The following ZFHX3 variants were observed in gnomAD, a reference collection of about 807,000 sequenced individuals.
ZFHX3 encodes the protein zinc finger homeobox 3.
In ZFHX3, 42 loss-of-function variants were observed where a neutral mutation model predicts 279.1. The observed-to-expected ratio is 0.15, with a 90% confidence interval of 0.12 to 0.19. The LOEUF is 0.19. Among genes scored for constraint, ZFHX3 ranks in the 10% least tolerant of loss-of-function variants. The pLI is 1.00. For missense variants in ZFHX3, 4,981 were observed against 4,754.0 expected, an observed-to-expected ratio of 1.05 and a Z score of -1.40; for synonymous variants, 2,293 against 1,957.8, an observed-to-expected ratio of 1.17 and a Z score of -4.52.
intron 1 of ZFHX3, among the ~76,000 whole-genome samples, chr16:73,866,813 G>A (rs181011808): frequency 4.7e-4 from 71 of 152,300 alleles, no homozygotes; most frequent in African/African-American, 1.6e-3. Context: ...ATAATGGCCT[G>A]GTGAGCTGTT....
intron 2 of ZFHX3, among the ~76,000 whole-genome samples, chr16:73,484,596 A>G (rs2018940015): frequency 6.6e-6 from 1 of 152,174 alleles, no homozygotes; most frequent in African/African-American, 2.4e-5. Flanking sequence ...CAGAGGAGAG[A>G]CACAGTATCA....
In ZFHX3 at chr16:72,959,913, T is replaced by A. The variant is rs1961485844; in HGVS notation, c.233A>T (p.Glu78Val). ...GGCCGAACATTCGTTGCAGGTGACC[T>A]CCTTGCTGGCGGGCTCGGAGGGGGG... ...AGPPSEPASK[E>V]VTCNECSASF... Residue 78 changes from glutamate (E) to valine (V), a missense_variant, in exon 2 of 10, where the codon GAG (glutamate) becomes GTG (valine). Transcript: ENST00000268489. 6.2e-7 allele frequency: 1 copy of A among 1,603,132 alleles called. No homozygotes were observed. Among genetic ancestry groups the A allele is most frequent in the Admixed American group, 1.7e-5 (1 of 59,052 alleles).
intron 3 of ZFHX3, among the ~76,000 whole-genome samples, chr16:73,335,888 T>C (rs2015903013): frequency 6.6e-6 from 1 of 152,220 alleles, no homozygotes; most frequent in South Asian, 2.1e-4. Flanking sequence ...AATGAGTTTT[T>C]GACTCTCACT....
chr16:73,236,160 A>G (rs903546638), intron 5 of ZFHX3, among the ~76,000 whole-genome samples: 2 of 152,358 alleles, frequency 1.3e-5, no homozygotes, highest in East Asian at 3.9e-4. Context: ...GCATACGTCA[A>G]GGGAGTATGT....
chr16:72,840,088 A>T (rs2037307624), intron 4 of ZFHX3, among the ~76,000 whole-genome samples: 1 of 152,090 alleles, frequency 6.6e-6, no homozygotes, highest in African/African-American at 2.4e-5. Context: ...ATCAAAACTG[A>T]CTTGGCTTGT....
At chr16:73,525,490 T>TC in intron 2 of ZFHX3, among the ~76,000 whole-genome samples, 1 of 152,252 alleles carries the variant, frequency 6.6e-6, no homozygotes, top group East Asian at 1.9e-4. Context: ...CTTACTTAGT[T>TC]TCAAGAAGAA....
At chr16:73,130,844 G>A (rs1389237227) in intron 7 of ZFHX3, 2 of 735,396 alleles carry the variant, frequency 2.7e-6, no homozygotes, top group Admixed American at 7.8e-5. Flanking sequence ...CTGACCTCAG[G>A]TGATCCACCT....
chr16:73,170,716 C>T (rs576627217), intron 5 of ZFHX3, among the ~76,000 whole-genome samples: 2 of 152,248 alleles, frequency 1.3e-5, no homozygotes, highest in South Asian at 4.2e-4. Context: ...GTGGGAAAAG[C>T]TGGACAAAGG....
intron 2 of ZFHX3, among the ~76,000 whole-genome samples, chr16:73,523,467 G>A (rs1238091037): frequency 6.6e-6 from 1 of 152,078 alleles, no homozygotes; most frequent in Non-Finnish European, 1.5e-5. Context: ...CCTGTCCCAT[G>A]TTCTGAGTTC....
At chr16:73,737,851 G>A (rs948357462) in intron 1 of ZFHX3, among the ~76,000 whole-genome samples, 3 of 152,142 alleles carry the variant, frequency 2.0e-5, no homozygotes, top group Admixed American at 2.0e-4. Context: ...CAGGAGAAGG[G>A]AAAAAGAGAT....
chr16:73,255,494 G>C (rs1356997964), intron 5 of ZFHX3, among the ~76,000 whole-genome samples: 1 of 152,154 alleles, frequency 6.6e-6, no homozygotes, highest in Non-Finnish European at 1.5e-5. Context: ...TGTGATTTGG[G>C]AGAAGAGTTT....
intron 5 of ZFHX3, chr16:72,829,396 GACCAGCGAC>G: frequency 1.1e-5 from 2 of 188,188 alleles, no homozygotes; most frequent in Non-Finnish European, 2.2e-5. Context: ...GAGCAGGTGG[GACCAGCGAC>G]TGGACCTTCA....
intron 1 of ZFHX3, among the ~76,000 whole-genome samples, chr16:73,837,054 A>C (rs2142364477): frequency 6.6e-6 from 1 of 152,214 alleles, no homozygotes; most frequent in Admixed American, 6.5e-5. Context: ...AAATAAACTT[A>C]TTTTCTTTAG....
chr16:73,293,253 T>G (rs1320919721), intron 4 of ZFHX3, among the ~76,000 whole-genome samples: 1 of 151,992 alleles, frequency 6.6e-6, no homozygotes, highest in African/African-American at 2.4e-5. Context: ...TCACAGCTGG[T>G]AAAAGTTTGG....
intron 2 of ZFHX3, among the ~76,000 whole-genome samples, chr16:73,462,842 T>C (rs1188693230): frequency 6.6e-6 from 1 of 152,178 alleles, no homozygotes; most frequent in African/African-American, 2.4e-5. Context: ...GATTTTTGCC[T>C]CTATGTTCAT....
chr16:73,837,413 TA>T (rs1340841703), intron 1 of ZFHX3, among the ~76,000 whole-genome samples: 2 of 152,174 alleles, frequency 1.3e-5, no homozygotes, highest in African/African-American at 4.8e-5. Context: ...TCTGCTTAGG[TA>T]AAACCTTGGA....
At chr16:73,469,167 C>A (rs914650849) in intron 2 of ZFHX3, among the ~76,000 whole-genome samples, 2 of 152,186 alleles carry the variant, frequency 1.3e-5, no homozygotes, top group African/African-American at 4.8e-5. Flanking sequence ...ATAATCTGAA[C>A]CTTGGAAAGG....
In ZFHX3 at chr16:73,737,042, CT is replaced by C. The variant is rs911698219; in HGVS notation, c.-1607-56803del. On this transcript the variant is annotated intron_variant, in intron 1 of 17. Coordinates refer to the ZFHX3 transcript ENST00000641206. ...TTCTGTGACTCCATTCTTTTTCTTT[CT>C]TTTTTTTTAAGACAGGGTCTCACTC... is the stretch of plus-strand genomic sequence containing the variant. 2.6e-5 allele frequency among the ~76,000 whole-genome samples: 4 copies of C among 151,192 alleles called. No individual in the cohort carries two copies. The East Asian group carries it at 7.8e-4, about 29-fold the overall frequency.
At chr16:73,877,887 C>A (rs1014624205) in intron 1 of ZFHX3, among the ~76,000 whole-genome samples, 2 of 151,974 alleles carry the variant, frequency 1.3e-5, no homozygotes, top group Admixed American at 1.3e-4. Flanking sequence ...CAAAGTTCAA[C>A]TCCCCCCAAA....
Sources: allele counts gnomAD v4.1 joint callset (sites outside exome capture counted in the v4.1 genomes callset), GRCh38; gene constraint gnomAD v4.1.1; transcripts MANE v1.5; gene names NCBI Gene and HGNC (gene_info 2026-07-23, HGNC 2026-07-21).